The following ARB2A variants were observed in gnomAD, a reference collection of about 807,000 sequenced individuals.
ARB2A encodes the protein ARB2 cotranscriptional regulator A.
chr5:94,067,406 G>C, the ARB2A span, among the ~76,000 whole-genome samples: 10 of 152,098 alleles, frequency 6.6e-5, no homozygotes, highest in African/African-American at 2.2e-4. Context: ...TTGTCCTTTT[G>C]CATCTGATAT....
At chr5:94,090,442 T>C in the ARB2A span, among the ~76,000 whole-genome samples, 2 of 152,216 alleles carry the variant, frequency 1.3e-5, no homozygotes, top group South Asian at 4.1e-4. Context: ...GATGGGGTTT[T>C]CTAAATATAT....
chr5:93,683,584 C>T, the ARB2A span: 1 of 1,463,344 alleles, frequency 6.8e-7, no homozygotes, highest in Admixed American at 1.7e-5. Flanking sequence ...ACTGGCCGTT[C>T]TTAAGGATAA....
chr5:93,910,854 CAG>C, the ARB2A span: 1 of 151,498 alleles, frequency 6.6e-6, no homozygotes, highest in African/African-American at 2.4e-5. Context: ...GCTATTGTGA[CAG>C]GGGAAAAAAT....
At chr5:93,620,454 AGT>A in the ARB2A span, 2 of 147,524 alleles carry the variant, frequency 1.4e-5, no homozygotes, top group Admixed American at 1.4e-4. Flanking sequence ...TCGGCTTTGG[AGT>A]GTGTGTGGAA....
the ARB2A span, among the ~76,000 whole-genome samples, chr5:93,755,625 A>T: frequency 6.6e-6 from 1 of 152,188 alleles, no homozygotes. Flanking sequence ...TGGAGAAACT[A>T]AAGGTCTATT....
At chr5:93,707,036 A>G in the ARB2A span, among the ~76,000 whole-genome samples, 3 of 152,184 alleles carry the variant, frequency 2.0e-5, no homozygotes, top group South Asian at 2.1e-4. Context: ...CTGTGCCTCA[A>G]TAAGTGGGAA....
the ARB2A span, among the ~76,000 whole-genome samples, chr5:93,932,712 A>G: frequency 6.6e-6 from 1 of 152,234 alleles, no homozygotes; most frequent in Non-Finnish European, 1.5e-5. Context: ...ATACTGGTCT[A>G]GAGTTTGTTT....
chr5:93,897,006 G>A, the ARB2A span, among the ~76,000 whole-genome samples: 1 of 151,958 alleles, frequency 6.6e-6, no homozygotes, highest in Non-Finnish European at 1.5e-5. Flanking sequence ...ATACTTTAAA[G>A]CTTTTTCCAT....
the ARB2A span, among the ~76,000 whole-genome samples, chr5:93,979,539 C>G: frequency 5.9e-5 from 9 of 151,904 alleles, no homozygotes; most frequent in African/African-American, 2.2e-4. Context: ...TATTAAATAA[C>G]CACTCTTGGA....
the ARB2A span, among the ~76,000 whole-genome samples, chr5:93,824,739 T>C: frequency 6.6e-6 from 1 of 152,216 alleles, no homozygotes; most frequent in Admixed American, 6.5e-5. Flanking sequence ...CCAGAGAAAC[T>C]CCTGCAAAAT....
At chr5:93,632,871 G>A in the ARB2A span, among the ~76,000 whole-genome samples, 1 of 152,210 alleles carries the variant, frequency 6.6e-6, no homozygotes, top group African/African-American at 2.4e-5. Context: ...AGTTGAACTA[G>A]AAATAACATT....
the ARB2A span, among the ~76,000 whole-genome samples, chr5:93,835,975 A>C: frequency 6.6e-5 from 10 of 152,216 alleles, no homozygotes; most frequent in Non-Finnish European, 1.2e-4. Context: ...AGGATGCAAA[A>C]ATGTAAGTTA....
At chr5:93,904,608 T>G in the ARB2A span, among the ~76,000 whole-genome samples, 1 of 151,846 alleles carries the variant, frequency 6.6e-6, no homozygotes. Flanking sequence ...AAATCATGTA[T>G]AGTGTGGACA....
the ARB2A span, among the ~76,000 whole-genome samples, chr5:93,965,381 C>G: frequency 6.6e-6 from 1 of 152,088 alleles, no homozygotes; most frequent in South Asian, 2.1e-4. Flanking sequence ...CCCTTATAAG[C>G]AGTAAACGAA....
chr5:93,931,220 C>T, the ARB2A span, among the ~76,000 whole-genome samples: 6 of 152,160 alleles, frequency 3.9e-5, no homozygotes, highest in African/African-American at 1.4e-4. Flanking sequence ...AATCCCAGCA[C>T]TTTGGGAGGA....
At chr5:94,007,078 A>C in the ARB2A span, among the ~76,000 whole-genome samples, 2 of 152,208 alleles carry the variant, frequency 1.3e-5, no homozygotes, top group Non-Finnish European at 2.9e-5. Context: ...CCCATAAGAC[A>C]AAGAGTCAGA....
At chr5:93,641,806 T>A in the ARB2A span, among the ~76,000 whole-genome samples, 1 of 152,206 alleles carries the variant, frequency 6.6e-6, no homozygotes, top group Non-Finnish European at 1.5e-5. Context: ...TGCTTAATAG[T>A]TATTTATTCA....
At chr5:93,632,071 G>A in the ARB2A span, among the ~76,000 whole-genome samples, 1 of 152,134 alleles carries the variant, frequency 6.6e-6, no homozygotes, top group Admixed American at 6.6e-5. Context: ...TCTTGGTACT[G>A]GGGGTGCAGT....
the ARB2A span, among the ~76,000 whole-genome samples, chr5:93,971,292 G>C: frequency 1.3e-5 from 2 of 152,032 alleles, no homozygotes; most frequent in African/African-American, 4.8e-5. Context: ...ATTTAGCCAG[G>C]CACGGTGGGT....
Sources: allele counts gnomAD v4.1 joint callset (sites outside exome capture counted in the v4.1 genomes callset), GRCh38; gene constraint gnomAD v4.1.1; transcripts MANE v1.5; gene names NCBI Gene and HGNC (gene_info 2026-07-23, HGNC 2026-07-21).